Variants in NR3C2 observed in about 807,000 individuals in gnomAD.
The protein encoded by NR3C2 is mineralocorticoid receptor.
In NR3C2, 15 loss-of-function variants were observed where a neutral mutation model predicts 86.4. The observed-to-expected ratio is 0.17, with a 90% CI of 0.12 to 0.27. The LOEUF (loss-of-function observed/expected upper bound fraction) is 0.27. Ranked by LOEUF, NR3C2 falls within the 10% of genes least tolerant of loss-of-function variation. The probability of loss-of-function intolerance (pLI) is 1.00; values close to 1 mark genes in which losing one functional copy is unlikely to be tolerated. For missense variants in NR3C2, 960 were observed against 1,195.6 expected (o/e 0.80, Z 2.91); for synonymous variants, 458 against 450.5 (o/e 1.02, Z -0.21).
Position 148,401,461 on chromosome 4 carries a change from C to CTT in NR3C2, c.1757+33641_1757+33642dup, listed in dbSNP as rs397881130. ...CTAAAGACTTCTGATAAAGTTGTCT[C>CTT]TTTTTTTTTTTTTTTTTTTTGAGAC... On this transcript the variant is annotated intron_variant, in intron 2 of 8. Coordinates refer to ENST00000358102, the MANE Select transcript of NR3C2 (RefSeq NM_000901.5). Among the ~76,000 whole-genome samples, 1,002 of 116,858 alleles carry CTT rather than the reference C, an allele frequency of 8.6e-3. 32 individuals carry two copies. The highest frequency in any genetic ancestry group is 0.012 in the Non-Finnish European group (684 of 59,022). The allele number at this position is 116,858 out of a possible 152,430, so 76.7% of individuals were successfully genotyped here. A position where few individuals can be genotyped will look rare whatever the true frequency, so the allele number is the denominator to read the frequency against.
intron 2 of NR3C2, among the ~76,000 whole-genome samples, chr4:148,372,399 T>C (rs1016834348): frequency 6.6e-6 from 1 of 152,102 alleles, no homozygotes; most frequent in South Asian, 2.1e-4. Context: ...GCCCTGATAT[T>C]GACCACTGTT....
At chr4:148,441,104 G>C (rs546190068) in intron 1 of NR3C2, among the ~76,000 whole-genome samples, 2 of 152,330 alleles carry the variant, frequency 1.3e-5, no homozygotes, top group African/African-American at 4.8e-5. Flanking sequence ...TCACCTGAGA[G>C]AGCGGGAGAA....
intron 2 of NR3C2, among the ~76,000 whole-genome samples, chr4:148,372,970 T>C (rs1424559039): frequency 6.6e-6 from 1 of 151,798 alleles, no homozygotes; most frequent in Non-Finnish European, 1.5e-5. Context: ...TACACACACA[T>C]ACACATACCC....
chr4:148,107,471 T>C (rs1488964182), intron 8 of NR3C2, among the ~76,000 whole-genome samples: 1 of 152,198 alleles, frequency 6.6e-6, no homozygotes, highest in Non-Finnish European at 1.5e-5. Context: ...AGAAATACCA[T>C]TTGACTCAGC....
At chr4:148,374,965 A>C (rs563272481) in intron 2 of NR3C2, among the ~76,000 whole-genome samples, 23 of 152,362 alleles carry the variant, frequency 1.5e-4, no homozygotes, top group South Asian at 1.0e-3. Flanking sequence ...TCCTTCTTAA[A>C]AGAAAACAGA....
intron 2 of NR3C2, among the ~76,000 whole-genome samples, chr4:148,398,585 G>A (rs1747977926): frequency 6.6e-6 from 1 of 152,140 alleles, no homozygotes; most frequent in African/African-American, 2.4e-5. Flanking sequence ...ATTCATAAAT[G>A]AGAAAACAGA....
At chr4:148,324,365 GTT>G (rs746582188) in intron 2 of NR3C2, among the ~76,000 whole-genome samples, 3,449 of 72,642 alleles carry the variant, frequency 0.047, 52 homozygotes, top group South Asian at 0.073. Context: ...GTGTGTGTGT[GTT>G]TGTGTGTGTG....
intron 3 of NR3C2, among the ~76,000 whole-genome samples, chr4:148,217,382 A>G (rs1385758287): frequency 6.6e-6 from 1 of 152,208 alleles, no homozygotes; most frequent in African/African-American, 2.4e-5. Flanking sequence ...CTCATTTCCC[A>G]CAGATCCCCA....
At chr4:148,269,357 C>G (rs555890548) in intron 2 of NR3C2, among the ~76,000 whole-genome samples, 1 of 151,988 alleles carries the variant, frequency 6.6e-6, no homozygotes, top group Non-Finnish European at 1.5e-5. Flanking sequence ...TTGACCTTAT[C>G]GACGGTAGTT....
chr4:148,327,269 A>G (rs1383121014), intron 2 of NR3C2, among the ~76,000 whole-genome samples: 5 of 152,212 alleles, frequency 3.3e-5, no homozygotes, highest in Non-Finnish European at 7.3e-5. Context: ...AACCTATATT[A>G]TGTTCTTATT....
chr4:148,194,281 TCTC>T (rs1578997463), intron 4 of NR3C2, among the ~76,000 whole-genome samples: 2 of 152,296 alleles, frequency 1.3e-5, no homozygotes, highest in East Asian at 3.9e-4. Context: ...TTTTTTACCC[TCTC>T]CTCCTCTTTT....
At chr4:148,228,919 G>C (rs1351258239) in intron 3 of NR3C2, among the ~76,000 whole-genome samples, 2 of 152,150 alleles carry the variant, frequency 1.3e-5, no homozygotes, top group Non-Finnish European at 2.9e-5. Flanking sequence ...CCGCAGGAAA[G>C]AAAGGCAAAC....
At chr4:148,427,036 C>T (rs756459328) in intron 2 of NR3C2, among the ~76,000 whole-genome samples, 1 of 151,882 alleles carries the variant, frequency 6.6e-6, no homozygotes, top group Non-Finnish European at 1.5e-5. Context: ...TTCACTGCAA[C>T]GTCCACCTCC....
chr4:148,356,448 G>C (rs1745552242), intron 2 of NR3C2, among the ~76,000 whole-genome samples: 1 of 152,064 alleles, frequency 6.6e-6, no homozygotes, highest in South Asian at 2.1e-4. Flanking sequence ...ATCTGGGGGA[G>C]AAAAAAGTGA....
At chr4:148,125,778 TAGAG>T (rs955410230) in intron 6 of NR3C2, among the ~76,000 whole-genome samples, 5 of 152,126 alleles carry the variant, frequency 3.3e-5, no homozygotes, top group South Asian at 4.1e-4. Flanking sequence ...GAATGAATGA[TAGAG>T]AGAAGGAAAG....
chr4:148,116,286 T>C (rs754342460), intron 7 of NR3C2, among the ~76,000 whole-genome samples: 1 of 152,248 alleles, frequency 6.6e-6, no homozygotes, highest in Non-Finnish European at 1.5e-5. Context: ...GTATTACTTA[T>C]ATATTATTGC....
chr4:148,142,268 A>G (rs1733647708), intron 6 of NR3C2, among the ~76,000 whole-genome samples: 1 of 152,210 alleles, frequency 6.6e-6, no homozygotes, highest in Non-Finnish European at 1.5e-5. Flanking sequence ...CCCAGCGCCC[A>G]CACTAATGCG....
At chr4:148,318,855 T>C (rs1456551860) in intron 2 of NR3C2, among the ~76,000 whole-genome samples, 3 of 152,028 alleles carry the variant, frequency 2.0e-5, no homozygotes, top group Non-Finnish European at 2.9e-5. Context: ...TAGTTTCTTT[T>C]GCTGTGCAGA....
intron 8 of NR3C2, among the ~76,000 whole-genome samples, chr4:148,089,580 G>A (rs1578869039): frequency 6.6e-6 from 1 of 152,248 alleles, no homozygotes; most frequent in East Asian, 1.9e-4. Flanking sequence ...CACAGTTTGT[G>A]AAACCTGCTC....
Sources: allele counts gnomAD v4.1 joint callset (sites outside exome capture counted in the v4.1 genomes callset), GRCh38; gene constraint gnomAD v4.1.1; transcripts MANE v1.5; gene names NCBI Gene and HGNC (gene_info 2026-07-23, HGNC 2026-07-21).